GMEB2: variants seen among roughly 807,000 people sequenced by gnomAD.
The protein encoded by GMEB2 is glucocorticoid modulatory element binding protein 2, also known as glucocorticoid modulatory element-binding protein 2.
Under a neutral mutation model 45.7 loss-of-function variants are expected in GMEB2, and 7 were observed. The observed-to-expected ratio is 0.15, with a 90% CI of 0.09 to 0.29. GMEB2 has a LOEUF of 0.29. Ranked by LOEUF, GMEB2 falls within the 10% of genes least tolerant of loss-of-function variation. GMEB2 has a pLI of 1.00. For synonymous variants in GMEB2, 322 were observed against 323.6 expected (o/e 1.00, Z 0.05); for missense variants, 582 against 739.2 (o/e 0.79, Z 2.47).
rs1367482279 is a variant in GMEB2, at chr20:63,590,219, T to G, written c.1463A>C (p.Gln488Pro). The change falls in exon 10 of 10, where the codon CAG (glutamine) becomes CCG (proline). Residue 488 changes from glutamine (Q) to proline (P), a missense_variant. Coordinates refer to ENST00000370077, the MANE Select transcript of GMEB2 (RefSeq NM_012384.5). ...GCCAGGCGAGGCCTGGGCCACGTTC[T>G]GCAGGGTGGGGCCCAGGCCAGGCAA... The part of the protein sequence containing the change: ...LTLPGLGPTL[Q>P]NVAQASPGSS... 1 of 1,610,558 alleles carries G rather than the reference T, an allele frequency of 6.2e-7. No individual in the cohort carries two copies. The highest frequency in any genetic ancestry group is 8.5e-7 in the Non-Finnish European group (1 of 1,179,320).
chr20:63,595,808 G>C (rs1014807283), intron 5 of GMEB2, 41 bp from the exon 6 acceptor site: 14 of 1,602,944 alleles, frequency 8.7e-6, no homozygotes, highest in Non-Finnish European at 1.1e-5. Context: ...GTCGGCCCCA[G>C]AGCCGAAGGC....
rs542325652 is a variant in GMEB2, at chr20:63,613,615, G to C, written c.131+5652C>G. On this transcript the variant is annotated intron_variant, in intron 2 of 9. Coordinates refer to ENST00000370077, the MANE Select transcript of GMEB2 (RefSeq NM_012384.5). ...GCTCACTGTAACCTCCATCTCCCTGGTTCAAGCAATTCTCCTGCTGCAGCC... is the reference window on the plus strand; with the variant it reads ...GCTCACTGTAACCTCCATCTCCCTGCTTCAAGCAATTCTCCTGCTGCAGCC... Among the ~76,000 whole-genome samples, 14 of 151,704 alleles carry C rather than the reference G, an allele frequency of 9.2e-5. 2 individuals are homozygous for C. In the South Asian group the frequency reaches 2.7e-3, roughly 29 times the overall value.
At chr20:63,599,344 C>T (rs1036887523) in intron 4 of GMEB2, among the ~76,000 whole-genome samples, 5 of 152,242 alleles carry the variant, frequency 3.3e-5, no homozygotes, top group South Asian at 2.1e-4. Flanking sequence ...GGGTGACCCA[C>T]GTTTCCCCGA....
In GMEB2 at chr20:63,619,376, C is replaced by T. The variant is rs751061431; in HGVS notation, c.22G>A (p.Val8Met). 3 of 1,612,196 alleles carry T rather than the reference C, an allele frequency of 1.9e-6. No homozygotes were observed. Among genetic ancestry groups the T allele is most frequent in the African/African-American group, 2.7e-5 (2 of 74,938 alleles). The change falls in exon 2 of 10, where the codon GTG (valine) becomes ATG (methionine). Residue 8 changes from valine to methionine, a missense_variant. Coordinates refer to ENST00000370077, the MANE Select transcript of GMEB2 (RefSeq NM_012384.5). This position sits in a 1 kb window ranked among gnomAD's most constrained non-coding sequence, Gnocchi z 4.6. The stretch of plus-strand genomic sequence containing the variant: ...ACAACCACCACCTCCTCCATGTGCA[C>T]ACTCACGTCGGGAGTCGCCATGGCT... MATPDVS[V>M]HMEEVVVVTT... is the part of the protein sequence containing the mutation.
At position 63,592,415 on chromosome 20, in the gene GMEB2, G is replaced by C. The variant is rs989596925; in HGVS notation, c.829+118C>G. 6.5e-6 allele frequency: 5 copies of C among 771,760 alleles called. No individual in the cohort carries two copies. The highest frequency in any genetic ancestry group is 1.0e-5 in the Non-Finnish European group (5 of 481,796). 47.8% of individuals were successfully genotyped at this position (771,760 alleles called of 1,614,324 possible). A position where few individuals can be genotyped will look rare whatever the true frequency, so the allele number is the denominator to read the frequency against. Reference sequence around the variant, plus strand: ...CAGCACAGCAGGAGTCCCAAGCCTAGATTCAGCCTCCAACCCAGCAGCACA... The same window carrying C: ...CAGCACAGCAGGAGTCCCAAGCCTACATTCAGCCTCCAACCCAGCAGCACA... On this transcript the variant is annotated intron_variant, in intron 8 of 9. Transcript: ENST00000370077. This position sits in a 1 kb window ranked among gnomAD's most constrained non-coding sequence, Gnocchi z 8.2.
intron 2 of GMEB2, among the ~76,000 whole-genome samples, chr20:63,607,262 T>C (rs1601021678): frequency 2.2e-5 from 2 of 92,892 alleles, no homozygotes; most frequent in Admixed American, 1.3e-4. Context: ...AACATGCCCC[T>C]CTGACCCCAC....
rs377438007 is a variant in GMEB2, at chr20:63,619,475, C to T, written c.-57-21G>A. The T allele has an allele frequency of 2.9e-4, 429 of 1,468,532 alleles. No individual in the cohort carries two copies. In the African/African-American group the frequency reaches 5.2e-3, roughly 18 times the overall value. The allele number at this position is 1,468,532 out of a possible 1,614,324, so 91.0% of individuals were successfully genotyped here. A position where few individuals can be genotyped will look rare whatever the true frequency, so the allele number is the denominator to read the frequency against. The stretch of plus-strand genomic sequence containing the variant: ...AAGTCCTGGAGGAAGCAAGGCAGGG[C>T]ACAGGGATGGAGTCATCTCCACATC... On this transcript the variant is annotated intron_variant, in intron 1 of 9. Coordinates refer to ENST00000370077, the MANE Select transcript of GMEB2 (RefSeq NM_012384.5). The surrounding 1 kb of genome is among the most constrained non-coding windows in gnomAD (Gnocchi z 4.6).
At chr20:63,602,924 T>C (rs1162453947) in intron 4 of GMEB2, 41 bp downstream of exon 4, 1 of 1,591,474 alleles carries the variant, frequency 6.3e-7, no homozygotes, top group Non-Finnish European at 8.6e-7. Context: ...ACAGACACCA[T>C]GAGGCCTCTC....
intron 3 of GMEB2, among the ~76,000 whole-genome samples, chr20:63,603,703 C>T: frequency 6.6e-6 from 1 of 151,312 alleles, no homozygotes; most frequent in Admixed American, 6.6e-5. Context: ...GATCGCGCCA[C>T]CGCACTCCAG....
At position 63,597,849 on chromosome 20, in the gene GMEB2, A is replaced by C. The variant is rs1409615594; in HGVS notation, c.369T>G (p.His123Gln). 3.1e-6 allele frequency: 5 copies of C among 1,598,740 alleles called. No individual in the cohort carries two copies. The highest frequency in any genetic ancestry group is 4.3e-6 in the Non-Finnish European group (5 of 1,166,086). Residue 123 changes from histidine (H) to glutamine (Q), a missense_variant, in exon 5 of 10, where the codon CAT (histidine) becomes CAG (glutamine). His to Gln is a conservative substitution (Grantham distance 24). Coordinates refer to ENST00000370077, the MANE Select transcript of GMEB2 (RefSeq NM_012384.5). ...INVKCVQYDEHVISPKEFVHL... is the reference protein window; with the variant it reads ...INVKCVQYDEQVISPKEFVHL... ...GCACAAATTCCTTTGGGCTGATTACATGCTCGTCGTACTGTGGGGGACACA... is the reference window on the plus strand; with the variant it reads ...GCACAAATTCCTTTGGGCTGATTACCTGCTCGTCGTACTGTGGGGGACACA...
At chr20:63,602,040 A>G (rs112993284) in intron 4 of GMEB2, among the ~76,000 whole-genome samples, 4 of 149,530 alleles carry the variant, frequency 2.7e-5, no homozygotes, top group East Asian at 2.0e-4. Flanking sequence ...GCTTCTGTGC[A>G]GCCTGTGGCT....
At chr20:63,602,160 T>C (rs1369607603) in intron 4 of GMEB2, among the ~76,000 whole-genome samples, 2 of 152,274 alleles carry the variant, frequency 1.3e-5, no homozygotes, top group Non-Finnish European at 2.9e-5. Context: ...TTTTTGTTTG[T>C]TTCTGTCAGA....
At chr20:63,602,904 C>A (rs1453157986) in intron 4 of GMEB2, 61 bp downstream of exon 4, 12 of 1,521,948 alleles carry the variant, frequency 7.9e-6, no homozygotes, top group East Asian at 2.3e-5. Flanking sequence ...GCTGCACCCC[C>A]AAAGCAGTCA....
chr20:63,592,153 G>A lies in GMEB2; in HGVS notation c.830-9C>T, dbSNP rs1448578103. On this transcript the variant is annotated splice_polypyrimidine_tract_variant and intron_variant, in intron 8 of 9. Transcript: ENST00000370077. This position sits in a 1 kb window ranked among gnomAD's most constrained non-coding sequence, Gnocchi z 8.2. ...GTTGAGAAGTACAGCATCTTAAAGG[G>A]TAACGCGGACACTCAGTGAGAGCCC... The A allele has an allele frequency of 1.9e-6, 3 of 1,611,788 alleles. No individual in the cohort carries two copies. Among genetic ancestry groups the A allele is most frequent in the East Asian group, 2.2e-5 (1 of 44,838 alleles).
rs1601004242 is a variant in GMEB2, at chr20:63,592,488, C to A, written c.829+45G>T. On this transcript the variant is annotated intron_variant, in intron 8 of 9. Transcript: ENST00000370077. The surrounding 1 kb of genome is among the most constrained non-coding windows in gnomAD (Gnocchi z 8.2). The stretch of plus-strand genomic sequence containing the variant: ...CCAGTGGCCTCACCTCCTGCAGAGA[C>A]TCCTGGGCTGAGTAGCCAGCAAGAG... 1.3e-6 allele frequency: 2 copies of A among 1,544,386 alleles called. No homozygotes were observed. The highest frequency in any genetic ancestry group is 4.5e-5 in the East Asian group (2 of 44,424).
At chr20:63,626,701 G>C (rs1015654675) in intron 1 of GMEB2, among the ~76,000 whole-genome samples, 1 of 150,978 alleles carries the variant, frequency 6.6e-6, no homozygotes, top group South Asian at 2.1e-4. Context: ...GCTGGAGGCC[G>C]AGCCCGCGCC....
Position 63,590,747 on chromosome 20 carries a change from T to A in GMEB2, c.953-18A>T. 6.9e-7 allele frequency: 1 copy of A among 1,451,838 alleles called. No individual in the cohort carries two copies. The highest frequency in any genetic ancestry group is 9.2e-7 in the Non-Finnish European group (1 of 1,091,310). The allele number at this position is 1,451,838 out of a possible 1,614,324, so 89.9% of individuals were successfully genotyped here. ...CTCCAGGGCTGCAGGGAGGTACAGA[T>A]GGCATCACACAGGGGACGGGGGCAT... On this transcript the variant is annotated intron_variant, in intron 9 of 9. Transcript: ENST00000370077.
chr20:63,625,467 C>G (rs2089664770), intron 1 of GMEB2, among the ~76,000 whole-genome samples: 3 of 152,198 alleles, frequency 2.0e-5, no homozygotes, highest in Admixed American at 2.0e-4. Flanking sequence ...GCCACTACAC[C>G]TGGCCTCTCC....
Position 63,592,999 on chromosome 20 carries a change from G to A in GMEB2, c.691+12C>T, listed in dbSNP as rs1400077470. On this transcript the variant is annotated intron_variant, in intron 7 of 9. Coordinates refer to ENST00000370077, the MANE Select transcript of GMEB2 (RefSeq NM_012384.5). This position sits in a 1 kb window ranked among gnomAD's most constrained non-coding sequence, Gnocchi z 8.2. Reference sequence around the variant, plus strand: ...AGGGCTTGTGAGAAGCCCACAAGGAGGAACCTCGTACCTCCAATGGCCGCG... The same window carrying A: ...AGGGCTTGTGAGAAGCCCACAAGGAAGAACCTCGTACCTCCAATGGCCGCG... 7 of 1,588,684 alleles carry A rather than the reference G, an allele frequency of 4.4e-6. No homozygotes were observed. Among genetic ancestry groups the A allele is most frequent in the African/African-American group, 1.3e-5 (1 of 74,522 alleles).
Sources: allele counts gnomAD v4.1 joint callset (sites outside exome capture counted in the v4.1 genomes callset), GRCh38; gene constraint gnomAD v4.1.1; non-coding constraint Gnocchi (gnomAD v3.1); transcripts MANE v1.5; gene names NCBI Gene and HGNC (gene_info 2026-07-23, HGNC 2026-07-21).